The following FOXJ3 variants were observed in gnomAD, a reference collection of about 807,000 sequenced individuals.
The protein encoded by FOXJ3 is forkhead box protein J3.
In FOXJ3, 22 loss-of-function variants were observed where a neutral mutation model predicts 76.1. That is an observed-to-expected ratio of 0.29 (90% CI 0.21 to 0.41). The LOEUF (loss-of-function observed/expected upper bound fraction) is 0.41. Among genes scored for constraint, FOXJ3 ranks in the 10% least tolerant of loss-of-function variants. The pLI is 1.00. For synonymous variants in FOXJ3, 269 were observed against 261.2 expected (o/e 1.03, Z -0.29); for missense variants, 613 against 762.1 (o/e 0.80, Z 2.30).
chr1:42,328,894 T>C (rs1403504475), intron 1 of FOXJ3, among the ~76,000 whole-genome samples: 1 of 152,134 alleles, frequency 6.6e-6, no homozygotes, highest in Non-Finnish European at 1.5e-5. Context: ...CTCAAACTCC[T>C]GACCTCAAGT....
At chr1:42,227,497 A>G (rs550249068) in intron 5 of FOXJ3, among the ~76,000 whole-genome samples, 4 of 152,358 alleles carry the variant, frequency 2.6e-5, no homozygotes, top group Admixed American at 2.6e-4. Context: ...GAACCAGGAA[A>G]AGGTATTTTG....
intron 2 of FOXJ3, among the ~76,000 whole-genome samples, chr1:42,310,534 GC>G (rs1380851655): frequency 4.7e-5 from 7 of 150,082 alleles, no homozygotes; most frequent in Admixed American, 3.3e-4. Context: ...TGCAACCTCC[GC>G]CTACCAGGTT....
At chr1:42,182,882 C>A (rs1393414803) in intron 11 of FOXJ3, among the ~76,000 whole-genome samples, 1 of 152,092 alleles carries the variant, frequency 6.6e-6, no homozygotes, top group African/African-American at 2.4e-5. Flanking sequence ...TATGTGTAAC[C>A]ATGTGTGCCC....
chr1:42,226,403 GGAGTT>G, intron 5 of FOXJ3, among the ~76,000 whole-genome samples: 1 of 152,332 alleles, frequency 6.6e-6, no homozygotes. Flanking sequence ...CCTGAGGTCA[GGAGTT>G]CGAAACAAGC....
intron 4 of FOXJ3, among the ~76,000 whole-genome samples, chr1:42,261,494 G>C (rs985897768): frequency 1.3e-5 from 2 of 151,956 alleles, no homozygotes; most frequent in Non-Finnish European, 2.9e-5. Context: ...TGTACATAAA[G>C]GGTACCAAAT....
intron 5 of FOXJ3, among the ~76,000 whole-genome samples, chr1:42,223,691 C>T (rs1647324530): frequency 6.6e-6 from 1 of 152,188 alleles, no homozygotes; most frequent in African/African-American, 2.4e-5. Flanking sequence ...TTAATATTTG[C>T]TCTGTCATTT....
At chr1:42,293,186 T>C (rs986561125) in intron 2 of FOXJ3, among the ~76,000 whole-genome samples, 2 of 152,100 alleles carry the variant, frequency 1.3e-5, no homozygotes, top group African/African-American at 4.8e-5. Context: ...AAACAAATAT[T>C]TGTGATTAGG....
intron 11 of FOXJ3, among the ~76,000 whole-genome samples, chr1:42,185,508 C>T (rs143566655): frequency 6.6e-6 from 1 of 151,960 alleles, no homozygotes; most frequent in East Asian, 1.9e-4. Context: ...GATCCGCCTG[C>T]CTCGGTCTCC....
In FOXJ3 at chr1:42,195,059, T is replaced by G. The variant is rs1156755618; in HGVS notation, c.765A>C (p.Thr255=). Residue 255 remains threonine (T), a synonymous_variant, in exon 8 of 13, where the codon ACA becomes ACC. Coordinates refer to ENST00000361346, the MANE Select transcript of FOXJ3 (RefSeq NM_014947.5). ...VGSVHSYTPV[T]SHPESVSQSL... ...ATTGAGAGACTGATTCTGGATGGCTTGTCACCTAACATTAAAAGAAAACAC... is the reference window on the plus strand; with the variant it reads ...ATTGAGAGACTGATTCTGGATGGCTGGTCACCTAACATTAAAAGAAAACAC... 14 of 1,598,130 alleles carry G rather than the reference T, an allele frequency of 8.8e-6. No homozygotes were observed. The highest frequency in any genetic ancestry group is 1.2e-5 in the Non-Finnish European group (14 of 1,174,938).
At chr1:42,229,544 C>A (rs951359462) in intron 4 of FOXJ3, among the ~76,000 whole-genome samples, 3 of 152,106 alleles carry the variant, frequency 2.0e-5, no homozygotes, top group Non-Finnish European at 2.9e-5. Context: ...TATGTAGGTA[C>A]CTGAGCTTAA....
At chr1:42,318,437 G>A (rs889676195) in intron 1 of FOXJ3, among the ~76,000 whole-genome samples, 4 of 152,148 alleles carry the variant, frequency 2.6e-5, no homozygotes, top group Non-Finnish European at 5.9e-5. Flanking sequence ...CACCTCCCAG[G>A]TTCAAGCGAT....
intron 4 of FOXJ3, among the ~76,000 whole-genome samples, chr1:42,237,356 C>G (rs113195900): frequency 0.028 from 4,148 of 149,708 alleles, 197 homozygotes; most frequent in African/African-American, 0.097. Context: ...GCCTGGGCAA[C>G]AGGGCAAGAC....
chr1:42,286,656 C>G (rs561886694), intron 2 of FOXJ3, among the ~76,000 whole-genome samples: 1 of 152,018 alleles, frequency 6.6e-6, no homozygotes, highest in Admixed American at 6.6e-5. Flanking sequence ...TTTTTTGAGA[C>G]GGAGTTTCAC....
intron 6 of FOXJ3, among the ~76,000 whole-genome samples, chr1:42,201,808 C>A (rs562564333): frequency 2.0e-5 from 3 of 152,068 alleles, no homozygotes; most frequent in Non-Finnish European, 4.4e-5. Flanking sequence ...TATTTTTTCA[C>A]TAAATATTTA....
intron 4 of FOXJ3, among the ~76,000 whole-genome samples, chr1:42,262,204 T>C (rs1651097109): frequency 1.3e-5 from 2 of 152,216 alleles, no homozygotes; most frequent in Non-Finnish European, 2.9e-5. Flanking sequence ...CCTGGTGATA[T>C]AATTTAAGAA....
chr1:42,303,784 A>G (rs1448804616), intron 2 of FOXJ3, among the ~76,000 whole-genome samples: 2 of 152,252 alleles, frequency 1.3e-5, no homozygotes, highest in Admixed American at 6.5e-5. Flanking sequence ...AGCTGTATAC[A>G]TGTGAGAACC....
At position 42,310,380 on chromosome 1, in the gene FOXJ3, G is replaced by A. The variant is rs755982317; in HGVS notation, c.44+670C>T. Among the ~76,000 whole-genome samples the A allele has an allele frequency of 6.7e-4, 102 of 151,638 alleles. 1 individual carries two copies. Among genetic ancestry groups the A allele is most frequent in the Non-Finnish European group, 1.8e-4 (12 of 67,914 alleles). On this transcript the variant is annotated intron_variant, in intron 2 of 12. Coordinates refer to ENST00000361346, the MANE Select transcript of FOXJ3 (RefSeq NM_014947.5). ...AGAATGGTCTCAATTTCTTGACCTC[G>A]TGATCCGCCCGCCTTGGCCTCCCAA...
intron 2 of FOXJ3, among the ~76,000 whole-genome samples, chr1:42,306,147 T>C (rs1281058016): frequency 1.3e-5 from 2 of 152,184 alleles, no homozygotes; most frequent in Non-Finnish European, 2.9e-5. Flanking sequence ...AAGCTGTTGC[T>C]CTTACTGCAT....
chr1:42,194,318 T>C (rs574647061), intron 8 of FOXJ3, among the ~76,000 whole-genome samples: 8 of 152,346 alleles, frequency 5.3e-5, no homozygotes, highest in African/African-American at 1.9e-4. Flanking sequence ...AGCAAGAATC[T>C]ACCATTTGGT....
Sources: allele counts gnomAD v4.1 joint callset (sites outside exome capture counted in the v4.1 genomes callset), GRCh38; gene constraint gnomAD v4.1.1; transcripts MANE v1.5; gene names NCBI Gene and HGNC (gene_info 2026-07-23, HGNC 2026-07-21).